Variants in PLXNA4 observed in about 807,000 individuals in gnomAD.
PLXNA4 encodes the protein plexin-A4.
A neutral mutation model predicts 191.8 loss-of-function variants in PLXNA4; 44 were observed. The observed-to-expected ratio is 0.23, with a 90% CI of 0.18 to 0.29. PLXNA4 has a LOEUF of 0.29. Ranked by LOEUF, PLXNA4 falls within the 10% of genes least tolerant of loss-of-function variation. PLXNA4 has a pLI of 1.00. For missense variants in PLXNA4, 1,800 were observed against 2,488.8 expected (o/e 0.72, Z 5.89); for synonymous variants, 1,082 against 1,009.5 (o/e 1.07, Z -1.36).
At chr7:132,179,385 A>ACACAC (rs1796622818) in intron 20 of PLXNA4, among the ~76,000 whole-genome samples, 2 of 145,260 alleles carry the variant, frequency 1.4e-5, no homozygotes, top group African/African-American at 5.3e-5. Flanking sequence ...TTGTACATGA[A>ACACAC]ACATATACAC....
chr7:132,636,458 A>G (rs1199212979), intron 2 of PLXNA4, among the ~76,000 whole-genome samples: 1 of 152,212 alleles, frequency 6.6e-6, no homozygotes, highest in Non-Finnish European at 1.5e-5. Context: ...TGAGCTTCAG[A>G]GACCACATCA....
intron 4 of PLXNA4, among the ~76,000 whole-genome samples, chr7:132,247,506 T>C (rs994813216): frequency 6.6e-6 from 1 of 152,206 alleles, no homozygotes; most frequent in Non-Finnish European, 1.5e-5. Context: ...CTGTACCTCA[T>C]GCTGTCCTTC....
At chr7:132,319,550 T>A (rs1441328725) in intron 3 of PLXNA4, among the ~76,000 whole-genome samples, 2 of 152,190 alleles carry the variant, frequency 1.3e-5, no homozygotes, top group Non-Finnish European at 2.9e-5. Context: ...GGGTTCCTTG[T>A]AATTTATAAT....
At chr7:132,189,048 G>C (rs1008922829) in intron 14 of PLXNA4, among the ~76,000 whole-genome samples, 3 of 98,626 alleles carry the variant, frequency 3.0e-5, no homozygotes, top group African/African-American at 1.7e-4. Context: ...GAGAGAGAGA[G>C]AGAGAGAGAG....
At chr7:132,256,572 T>A (rs181311885) in intron 4 of PLXNA4, among the ~76,000 whole-genome samples, 15 of 152,078 alleles carry the variant, frequency 9.9e-5, no homozygotes, top group Admixed American at 7.9e-4. Context: ...GAATTTGGGG[T>A]CTAGGTTAAT....
rs149442818 is a variant in PLXNA4, at chr7:132,392,757, C to G, written c.1372-94535G>C. Among the ~76,000 whole-genome samples, 1,463 of 152,350 alleles carry G rather than the reference C, an allele frequency of 9.6e-3. 24 individuals are homozygous for G. Among genetic ancestry groups the G allele is most frequent in the African/African-American group, 0.033 (1,382 of 41,584 alleles). On this transcript the variant is annotated intron_variant, in intron 3 of 31. Transcript: ENST00000321063. The stretch of plus-strand genomic sequence containing the variant: ...GCCGCTGTTGGAGGCTACAGCAATC[C>G]TGTGAGCCACAGCCATCCTGGTCAT...
intron 3 of PLXNA4, among the ~76,000 whole-genome samples, chr7:132,324,948 C>A (rs1352353562): frequency 1.3e-5 from 2 of 151,976 alleles, no homozygotes; most frequent in East Asian, 3.9e-4. Context: ...GAACACAAGC[C>A]CCCTGAAAAG....
chr7:132,404,430 C>T (rs1397134637), intron 3 of PLXNA4, among the ~76,000 whole-genome samples: 1 of 152,228 alleles, frequency 6.6e-6, no homozygotes, highest in Non-Finnish European at 1.5e-5. Context: ...CCACTGTCAC[C>T]AACCAGCCCT....
intron 16 of PLXNA4, among the ~76,000 whole-genome samples, chr7:132,183,956 T>C (rs750209853): frequency 2.0e-5 from 3 of 152,196 alleles, no homozygotes; most frequent in Non-Finnish European, 4.4e-5. Flanking sequence ...AGAAAGCAGC[T>C]ATAGACAATA....
At chr7:132,518,354 C>A (rs1799025837) in intron 1 of PLXNA4, among the ~76,000 whole-genome samples, 1 of 152,174 alleles carries the variant, frequency 6.6e-6, no homozygotes, top group South Asian at 2.1e-4. Context: ...TGGCTTTGGG[C>A]AGTCTCAGTG....
intron 1 of PLXNA4, among the ~76,000 whole-genome samples, chr7:132,563,492 C>G (rs1585351345): frequency 1.0e-5 from 1 of 96,266 alleles, no homozygotes; most frequent in Non-Finnish European, 2.2e-5. Flanking sequence ...TCCTCCTCCT[C>G]CTTCTCCTCC....
At chr7:132,571,330 A>T (rs765884843) in intron 1 of PLXNA4, among the ~76,000 whole-genome samples, 1 of 152,056 alleles carries the variant, frequency 6.6e-6, no homozygotes, top group South Asian at 2.1e-4. Context: ...GCAAATGGGG[A>T]CCTATCAAAA....
chr7:132,360,916 G>A (rs929416495), intron 3 of PLXNA4, among the ~76,000 whole-genome samples: 3 of 152,226 alleles, frequency 2.0e-5, no homozygotes, highest in African/African-American at 7.2e-5. Context: ...TATCCCTGGT[G>A]GTGGCTTTGT....
chr7:132,500,051 G>A (rs1585230010), intron 2 of PLXNA4, among the ~76,000 whole-genome samples: 1 of 152,224 alleles, frequency 6.6e-6, no homozygotes, highest in Non-Finnish European at 1.5e-5. Flanking sequence ...CAAGCCTGGT[G>A]TGGTGATGTG....
chr7:132,189,520 T>G (rs930890075), intron 14 of PLXNA4, among the ~76,000 whole-genome samples: 1 of 152,134 alleles, frequency 6.6e-6, no homozygotes, highest in African/African-American at 2.4e-5. Context: ...AACCCACAAA[T>G]TGGAGTCTGG....
chr7:132,247,714 A>T (rs1036209294), intron 4 of PLXNA4, among the ~76,000 whole-genome samples: 9 of 152,158 alleles, frequency 5.9e-5, no homozygotes, highest in Non-Finnish European at 1.3e-4. Context: ...CAGGGACCAC[A>T]TAAAGGTTTT....
intron 3 of PLXNA4, among the ~76,000 whole-genome samples, chr7:132,301,749 G>C (rs1801313779): frequency 6.6e-6 from 1 of 152,246 alleles, no homozygotes; most frequent in Non-Finnish European, 1.5e-5. Flanking sequence ...AGAGAAACGT[G>C]CATATGAATG....
intron 3 of PLXNA4, among the ~76,000 whole-genome samples, chr7:132,318,363 G>T (rs1429366089): frequency 2.0e-5 from 3 of 152,220 alleles, no homozygotes; most frequent in Non-Finnish European, 4.4e-5. Flanking sequence ...AACCCAGAGT[G>T]TCGAGGAAAG....
intron 4 of PLXNA4, among the ~76,000 whole-genome samples, chr7:132,268,666 T>C (rs772206810): frequency 6.6e-6 from 1 of 152,208 alleles, no homozygotes; most frequent in Non-Finnish European, 1.5e-5. Context: ...TGGACTAATC[T>C]ACTCCCACAT....
Sources: gnomAD v4.1 joint callset for allele counts (sites outside exome capture counted in the v4.1 genomes callset) on GRCh38, gnomAD v4.1.1 for gene constraint, MANE v1.5 for transcripts, NCBI Gene and HGNC (gene_info 2026-07-23, HGNC 2026-07-21) for gene names.